The following CDH2 variants were observed in gnomAD, a reference collection of about 807,000 sequenced individuals.
CDH2 encodes the protein cadherin-2.
Under a neutral mutation model 92.0 loss-of-function variants are expected in CDH2, and 17 were observed. That is an observed-to-expected ratio of 0.18 (90% CI 0.13 to 0.28). CDH2 has a LOEUF of 0.28. Ranked by LOEUF, CDH2 falls within the 10% of genes least tolerant of loss-of-function variation. The probability of loss-of-function intolerance (pLI) is 1.00; values close to 1 mark genes in which losing one functional copy is unlikely to be tolerated. For synonymous variants in CDH2, 419 were observed against 415.9 expected, an observed-to-expected ratio of 1.01 and a Z score of -0.09; for missense variants, 862 against 1,133.1, an observed-to-expected ratio of 0.76 and a Z score of 3.44.
chr18:27,935,805 C>T (rs1210058689), intron 6 of CDH2, among the ~76,000 whole-genome samples: 1 of 152,180 alleles, frequency 6.6e-6, no homozygotes, highest in Non-Finnish European at 1.5e-5. Flanking sequence ...GGCTAAAGTA[C>T]AATGTGAAAT....
intron 2 of CDH2, among the ~76,000 whole-genome samples, chr18:28,106,868 G>A (rs2015331325): frequency 6.6e-6 from 1 of 152,204 alleles, no homozygotes; most frequent in Non-Finnish European, 1.5e-5. Flanking sequence ...TTACACAAAT[G>A]TTTAGTGAAA....
intron 2 of CDH2, among the ~76,000 whole-genome samples, chr18:28,076,065 C>T (rs1173959003): frequency 6.6e-6 from 1 of 152,054 alleles, no homozygotes; most frequent in Admixed American, 6.6e-5. Context: ...CCCCTAGCAT[C>T]AAAGCTTTAA....
chr18:28,007,346 T>G (rs528992971), intron 5 of CDH2, among the ~76,000 whole-genome samples: 2 of 151,802 alleles, frequency 1.3e-5, no homozygotes, highest in African/African-American at 2.4e-5. Context: ...TAGAATAGAT[T>G]CATTTCATTC....
intron 11 of CDH2, among the ~76,000 whole-genome samples, chr18:27,986,624 A>T (rs1599011909): frequency 6.6e-6 from 1 of 152,210 alleles, no homozygotes; most frequent in East Asian, 1.9e-4. Context: ...TGTACACTGA[A>T]GACCAGAGAC....
At chr18:28,029,573 A>C (rs1191076222) in intron 2 of CDH2, among the ~76,000 whole-genome samples, 1 of 152,094 alleles carries the variant, frequency 6.6e-6, no homozygotes, top group Non-Finnish European at 1.5e-5. Flanking sequence ...TGACAATAAT[A>C]ATCCTTATTC....
At chr18:27,946,821 A>G (rs1284139380), downstream of CDH2, among the ~76,000 whole-genome samples, 1 of 151,992 alleles carries the variant, frequency 6.6e-6, no homozygotes, top group Non-Finnish European at 1.5e-5. Flanking sequence ...GGAAAGTTCA[A>G]TTCAATATTA....
At chr18:27,993,111 G>T (rs1238953329) in intron 8 of CDH2, among the ~76,000 whole-genome samples, 1 of 152,116 alleles carries the variant, frequency 6.6e-6, no homozygotes, top group Admixed American at 6.5e-5. Context: ...GGTGATTATG[G>T]TGGGGTGGGG....
intron 6 of CDH2, among the ~76,000 whole-genome samples, chr18:27,938,365 G>T (rs1407351175): frequency 6.6e-6 from 1 of 152,026 alleles, no homozygotes. Flanking sequence ...CACCCACATA[G>T]TATTCATAAA....
rs28365305 is a variant in CDH2, at chr18:28,105,827, T to C, written c.172+41846A>G. ...ATCCTAATACGTCTTACAAAGATGTTTGAAATTAAAGCTTCACATTAAAAT... is the reference window on the plus strand; with the variant it reads ...ATCCTAATACGTCTTACAAAGATGTCTGAAATTAAAGCTTCACATTAAAAT... On this transcript the variant is annotated intron_variant, in intron 2 of 15. Transcript: ENST00000269141. 1.2e-3 allele frequency among the ~76,000 whole-genome samples: 188 copies of C among 152,320 alleles called. 4 individuals are homozygous for C. The East Asian group carries it at 0.024, about 20-fold the overall frequency.
chr18:28,074,035 A>T (rs142239895), intron 2 of CDH2, among the ~76,000 whole-genome samples: 9 of 152,314 alleles, frequency 5.9e-5, no homozygotes, highest in Admixed American at 2.0e-4. Flanking sequence ...CTGAGAGACT[A>T]CAAATTCTCT....
Position 28,038,585 on chromosome 18 carries a change from G to A in CDH2, c.173-24676C>T, listed in dbSNP as rs962839969. Among the ~76,000 whole-genome samples the A allele has an allele frequency of 4.6e-5, 7 of 151,906 alleles. No homozygotes were observed. The East Asian group carries it at 1.4e-3, about 29-fold the overall frequency. ...ATAGGAACCAATGCATGCATTTTTTGTGCAGTTGAAGTCCCAGGAATCAAG... is the reference window on the plus strand; with the variant it reads ...ATAGGAACCAATGCATGCATTTTTTATGCAGTTGAAGTCCCAGGAATCAAG... On this transcript the variant is annotated intron_variant, in intron 2 of 15. Coordinates refer to ENST00000269141, the MANE Select transcript of CDH2 (RefSeq NM_001792.5).
chr18:27,942,678 A>T (rs1448216409), intron 6 of CDH2, among the ~76,000 whole-genome samples: 3 of 152,242 alleles, frequency 2.0e-5, no homozygotes, highest in Non-Finnish European at 4.4e-5. Flanking sequence ...GTGGAGAAGA[A>T]AATGAGTTTC....
At chr18:28,041,988 C>G (rs2013956595) in intron 2 of CDH2, among the ~76,000 whole-genome samples, 1 of 152,082 alleles carries the variant, frequency 6.6e-6, no homozygotes, top group African/African-American at 2.4e-5. Flanking sequence ...CCACTGTAGA[C>G]ACCACTGAGA....
At chr18:27,989,575 C>T (rs1303573795) in intron 10 of CDH2, among the ~76,000 whole-genome samples, 1 of 152,122 alleles carries the variant, frequency 6.6e-6, no homozygotes, top group African/African-American at 2.4e-5. Context: ...TGGCAACCAT[C>T]CACTCCCTCA....
Position 28,024,510 on chromosome 18 carries a change from C to T in CDH2, c.173-10601G>A, listed in dbSNP as rs187235739. Among the ~76,000 whole-genome samples, 159 of 150,198 alleles carry T rather than the reference C, an allele frequency of 1.1e-3. 1 individual carries two copies. Among genetic ancestry groups the T allele is most frequent in the African/African-American group, 3.8e-3 (157 of 41,178 alleles). On this transcript the variant is annotated intron_variant, in intron 2 of 15. Coordinates refer to ENST00000269141, the MANE Select transcript of CDH2 (RefSeq NM_001792.5). ...GTTAAGACTATCTGCATTTTAAATG[C>T]TTTAAAATAAAGCGAATAAAAAGCT... is the stretch of plus-strand genomic sequence containing the variant.
intron 2 of CDH2, among the ~76,000 whole-genome samples, chr18:28,050,359 C>T (rs919201138): frequency 2.6e-5 from 4 of 152,074 alleles, no homozygotes; most frequent in African/African-American, 9.7e-5. Flanking sequence ...TTTAGTTTTA[C>T]CCCCTTCTGA....
In CDH2 at chr18:27,985,734, G is replaced by T. The variant is rs201191002; in HGVS notation, c.1769C>A (p.Thr590Lys). The change falls in exon 12 of 16, where the codon ACG becomes AAG. Residue 590 changes from threonine (T) to lysine (K), a missense_variant. Physicochemically the swap from Thr to Lys is moderately conservative, Grantham distance 78. Around this residue, in one of 5 missense-constraint regions of CDH2, gnomAD observed 564 missense variants for 722.2 expected, o/e 0.78. Transcript: ENST00000269141. ...AATATCAAGTAAATAGATCTGCAGC[G>T]TTCCTGTTCCACTCATAGGAGGAAT... is the stretch of plus-strand genomic sequence containing the variant. ...NGIPPMSGTG[T>K]LQIYLLDIND... is the part of the protein sequence containing the mutation. 1.2e-6 allele frequency: 2 copies of T among 1,610,332 alleles called. No homozygotes were observed. The highest frequency in any genetic ancestry group is 8.5e-7 in the Non-Finnish European group (1 of 1,177,172).
intron 14 of CDH2, among the ~76,000 whole-genome samples, chr18:27,977,009 T>C (rs1270113273): frequency 2.0e-5 from 3 of 152,190 alleles, no homozygotes; most frequent in Non-Finnish European, 4.4e-5. Context: ...TTGAAAGCGA[T>C]ACCGTATCTG....
chr18:28,020,142 C>T (rs899622602), intron 2 of CDH2, among the ~76,000 whole-genome samples: 5 of 152,052 alleles, frequency 3.3e-5, no homozygotes, highest in Non-Finnish European at 7.4e-5. Context: ...TTAGATGCAG[C>T]TAGGAATATC....
Sources: gnomAD v4.1 joint callset for allele counts (sites outside exome capture counted in the v4.1 genomes callset) on GRCh38, gnomAD v4.1.1 for gene constraint, gnomAD v4.1.1 regional missense constraint, MANE v1.5 for transcripts, NCBI Gene and HGNC (gene_info 2026-07-23, HGNC 2026-07-21) for gene names.